LGSN: variants seen among roughly 807,000 people sequenced by gnomAD.
LGSN encodes lengsin, lens protein with glutamine synthetase domain.
Under a neutral mutation model 19.5 loss-of-function variants are expected in LGSN, and 21 were observed. The ratio of observed to expected loss-of-function variants is 1.07; its 90% CI spans 0.76 to 1.55. The LOEUF (loss-of-function observed/expected upper bound fraction) is 1.55, where lower values mean the gene tolerates loss of function less well. Ranked by LOEUF, LGSN falls within the 40% of genes most tolerant of loss-of-function variation. The pLI, the probability that LGSN is intolerant of heterozygous loss-of-function variation, is 0.00. For synonymous variants in LGSN, 257 were observed against 215.6 expected (o/e 1.19, Z -1.68); for missense variants, 673 against 608.5 (o/e 1.11, Z -1.12).
the LGSN span, among the ~76,000 whole-genome samples, chr6:63,466,841 T>TC: frequency 3.9e-5 from 6 of 152,180 alleles, no homozygotes; most frequent in Non-Finnish European, 8.8e-5. Flanking sequence ...AGATGTCTAT[T>TC]AGACATCCAA....
the LGSN span, among the ~76,000 whole-genome samples, chr6:63,410,770 G>A: frequency 2.0e-5 from 3 of 152,086 alleles, no homozygotes; most frequent in Non-Finnish European, 2.9e-5. Flanking sequence ...GTATGGTATT[G>A]GGCACTTAAT....
the LGSN span, among the ~76,000 whole-genome samples, chr6:63,445,835 C>G: frequency 1.3e-5 from 2 of 152,250 alleles, no homozygotes; most frequent in South Asian, 4.2e-4. Context: ...CATCTATTCT[C>G]CATTCATAAC....
At chr6:63,355,767 C>T in the LGSN span, among the ~76,000 whole-genome samples, 83 of 152,306 alleles carry the variant, frequency 5.4e-4, no homozygotes, top group South Asian at 0.013. Context: ...CAACCTCTGC[C>T]TCCCAGGTAC....
chr6:63,438,310 T>G, the LGSN span, among the ~76,000 whole-genome samples: 1 of 152,094 alleles, frequency 6.6e-6, no homozygotes, highest in Non-Finnish European at 1.5e-5. Flanking sequence ...ACTTCATGTC[T>G]AAAACACCAA....
the LGSN span, among the ~76,000 whole-genome samples, chr6:63,465,812 A>C: frequency 6.6e-6 from 1 of 152,156 alleles, no homozygotes. Context: ...GGAGAGAGTG[A>C]ATTTGTGGAT....
At position 63,278,342 on chromosome 6, in the gene LGSN, T is replaced by C. The variant is rs1767161736; in HGVS notation, c.*1679A>G. 1 of 152,118 alleles carries C rather than the reference T, an allele frequency of 6.6e-6. No homozygotes were observed. The highest frequency in any genetic ancestry group is 2.1e-4 in the South Asian group (1 of 4,826). The allele number at this position is 152,118 out of a possible 1,614,324, so 9.4% of individuals were successfully genotyped here. Reference sequence around the variant, plus strand: ...ATGAGAGTCTTCCTTATCCCTCCCATGATGTAATGTGTGGGATTTCATTCT... The same window carrying C: ...ATGAGAGTCTTCCTTATCCCTCCCACGATGTAATGTGTGGGATTTCATTCT... On this transcript the variant is annotated 3_prime_UTR_variant, in exon 4 of 4. Transcript: ENST00000370657.
chr6:63,398,291 A>T, the LGSN span, among the ~76,000 whole-genome samples: 1 of 151,676 alleles, frequency 6.6e-6, no homozygotes, highest in Non-Finnish European at 1.5e-5. Flanking sequence ...TTGTTATCAC[A>T]GGAGATGACA....
chr6:63,494,610 T>G, the LGSN span, among the ~76,000 whole-genome samples: 2 of 152,324 alleles, frequency 1.3e-5, no homozygotes, highest in Middle Eastern at 6.8e-3. Context: ...TCTGAAAATT[T>G]TAAAGCACTC....
At chr6:63,311,445 A>G (rs1768624403) in intron 1 of LGSN, among the ~76,000 whole-genome samples, 1 of 152,204 alleles carries the variant, frequency 6.6e-6, no homozygotes, top group African/African-American at 2.4e-5. Flanking sequence ...TTCATCTTCA[A>G]CATTGTTTAA....
the LGSN span, among the ~76,000 whole-genome samples, chr6:63,526,548 G>T: frequency 1.3e-5 from 2 of 151,894 alleles, no homozygotes; most frequent in African/African-American, 4.8e-5. Context: ...AGTGGCTCAT[G>T]CCTGTAATCC....
the LGSN span, among the ~76,000 whole-genome samples, chr6:63,465,451 G>A: frequency 6.6e-6 from 1 of 151,654 alleles, no homozygotes; most frequent in African/African-American, 2.4e-5. Flanking sequence ...CAAAATGCTG[G>A]GATTACAGGC....
the LGSN span, among the ~76,000 whole-genome samples, chr6:63,341,847 A>C: frequency 1.0e-3 from 152 of 152,324 alleles, no homozygotes; most frequent in African/African-American, 3.4e-3. Context: ...GAAACAGAAA[A>C]TATCAGATTC....
the LGSN span, among the ~76,000 whole-genome samples, chr6:63,384,489 T>TTGTGTGTGTGTG: frequency 9.8e-4 from 129 of 131,582 alleles, no homozygotes; most frequent in Middle Eastern, 7.4e-3. Context: ...AAATAACACC[T>TTGTGTGTGTGTG]TGTGTGTGTG....
chr6:63,393,396 C>G, the LGSN span, among the ~76,000 whole-genome samples: 1 of 151,466 alleles, frequency 6.6e-6, no homozygotes, highest in African/African-American at 2.4e-5. Flanking sequence ...TCAGGCTGGT[C>G]TCGAACTCCT....
chr6:63,292,446 C>A (rs1767810496), intron 2 of LGSN, among the ~76,000 whole-genome samples: 1 of 152,164 alleles, frequency 6.6e-6, no homozygotes, highest in East Asian at 1.9e-4. Flanking sequence ...GAATGTCTTG[C>A]CTGACAAGAG....
chr6:63,334,412 G>T, the LGSN span, among the ~76,000 whole-genome samples: 1 of 152,058 alleles, frequency 6.6e-6, no homozygotes, highest in Non-Finnish European at 1.5e-5. Context: ...TTAGATAGAA[G>T]ATATCTACAA....
At chr6:63,547,376 G>C in the LGSN span, among the ~76,000 whole-genome samples, 8 of 150,684 alleles carry the variant, frequency 5.3e-5, no homozygotes, top group Admixed American at 2.7e-4. Flanking sequence ...TTTTAGTAGA[G>C]ATAGGATTTC....
At chr6:63,345,027 C>A in the LGSN span, among the ~76,000 whole-genome samples, 1 of 151,456 alleles carries the variant, frequency 6.6e-6, no homozygotes, top group African/African-American at 2.4e-5. Flanking sequence ...TTGTTTATAA[C>A]TTAATTTCTA....
At chr6:63,283,985 C>G (rs1051184853) in intron 3 of LGSN, among the ~76,000 whole-genome samples, 3 of 152,186 alleles carry the variant, frequency 2.0e-5, no homozygotes, top group Non-Finnish European at 4.4e-5. Flanking sequence ...CAGGCATGAG[C>G]CACTGTGCCC....
Sources: gnomAD v4.1 joint callset for allele counts (sites outside exome capture counted in the v4.1 genomes callset) on GRCh38, gnomAD v4.1.1 for gene constraint, MANE v1.5 for transcripts, NCBI Gene and HGNC (gene_info 2026-07-23, HGNC 2026-07-21) for gene names.